RO60: variants seen among roughly 807,000 people sequenced by gnomAD.
RO60 encodes the protein Ro60, Y RNA binding protein.
In RO60, 20 loss-of-function variants were observed where a neutral mutation model predicts 55.3. The ratio of observed to expected loss-of-function variants is 0.36; its 90% CI spans 0.25 to 0.53. RO60 has a LOEUF of 0.53. Among genes scored for constraint, RO60 ranks in the 20% least tolerant of loss-of-function variants. The pLI, the probability that RO60 is intolerant of heterozygous loss-of-function variation, is 0.92. For missense variants in RO60, 558 were observed against 646.6 expected (o/e 0.86, Z 1.49); for synonymous variants, 213 against 213.6 (o/e 1.00, Z 0.02).
intron 5 of RO60, among the ~76,000 whole-genome samples, chr1:193,078,367 C>A (rs532849245): frequency 1.3e-5 from 2 of 152,070 alleles, no homozygotes; most frequent in South Asian, 4.1e-4. Flanking sequence ...ACAAGGATGC[C>A]CAGTTTTTCC....
At chr1:193,084,509 T>G (rs575182464) in intron 8 of RO60, 70 bp from the exon 9 acceptor site, 57 of 1,470,858 alleles carry the variant, frequency 3.9e-5, no homozygotes, top group Middle Eastern at 1.8e-4. Context: ...TTAAAGTGTT[T>G]TAATTTTGGA....
At chr1:193,060,352 A>C in intron 1 of RO60, 1 of 255,874 alleles carries the variant, frequency 3.9e-6, no homozygotes, top group South Asian at 4.2e-5. Context: ...GATGAGTTAA[A>C]CCAAATATTT....
At position 193,089,420 on chromosome 1, in the gene RO60, T is replaced by A. The variant is rs986041144; in HGVS notation, c.*4689T>A. On this transcript the variant is annotated 3_prime_UTR_variant, in exon 9 of 9. Transcript: ENST00000400968. ...AACTTACTCACATTTGGCTTTTTTT[T>A]AATTGGTGCATTTTTTAATTTGCTT... 2.0e-5 allele frequency: 3 copies of A among 152,216 alleles called. No individual in the cohort carries two copies. Among genetic ancestry groups the A allele is most frequent in the Non-Finnish European group, 2.9e-5 (2 of 68,024 alleles). The allele number at this position is 152,216 out of a possible 1,614,324, so 9.4% of individuals were successfully genotyped here.
At chr1:193,060,286 G>C (rs1292597581) in intron 1 of RO60, 1 of 342,902 alleles carries the variant, frequency 2.9e-6, no homozygotes, top group Non-Finnish European at 5.5e-6. Context: ...AAATTAGGTT[G>C]AAAACAAATG....
Position 193,069,172 on chromosome 1 carries a change from G to A in RO60, c.118G>A (p.Gly40Ser), listed in dbSNP as rs1197096039. Reference protein sequence around the residue: ...MNRLHRFLCFGSEGGTYYIKE... With the variant: ...MNRLHRFLCFSSEGGTYYIKE... The stretch of plus-strand genomic sequence containing the variant: ...TCGACTACACCGGTTCTTATGTTTC[G>A]GTTCTGAAGGTGGGACTTATTATAT... The change falls in exon 2 of 9, where the codon GGT (glycine) becomes AGT (serine). Residue 40 changes from glycine to serine, a missense_variant. Coordinates refer to ENST00000400968, the MANE Select transcript of RO60 (RefSeq NM_001173524.2). The A allele has an allele frequency of 3.1e-6, 5 of 1,614,042 alleles. No homozygotes were observed. Among genetic ancestry groups the A allele is most frequent in the South Asian group, 1.1e-5 (1 of 91,072 alleles).
rs1355619904 is a variant in RO60, at chr1:193,076,621, CTG to C, written c.926_927del (p.Cys309Ter). The C allele has an allele frequency of 1.9e-6, 3 of 1,604,946 alleles. No homozygotes were observed. In the African/African-American group the frequency reaches 4.0e-5, roughly 22 times the overall value. ...AGAAGTATCTTTAGTATGTGAAAAA[CTG>C]TGTAATGAAAAACTATTAAAAAAGG... ...NSEVSLVCEK[L>X]CNEKLLKKAR... is the part of the protein sequence containing the mutation. On this transcript the variant is annotated frameshift_variant, in exon 4 of 9. Transcript: ENST00000400968. LOFTEE classifies it high-confidence loss of function.
At chr1:193,070,494 A>G in intron 2 of RO60, 1 of 399,228 alleles carries the variant, frequency 2.5e-6, no homozygotes, top group South Asian at 1.8e-5. Flanking sequence ...TTGAAGTGTG[A>G]AGTTCCACAA....
At chr1:193,070,979 CA>C (rs1673450566) in intron 2 of RO60, among the ~76,000 whole-genome samples, 1 of 152,212 alleles carries the variant, frequency 6.6e-6, no homozygotes, top group Non-Finnish European at 1.5e-5. Flanking sequence ...CAGCAGTCCA[CA>C]ACCCTTCTGA....
intron 3 of RO60, 50 bp downstream of exon 3, chr1:193,076,090 G>T: frequency 7.8e-7 from 1 of 1,288,386 alleles, no homozygotes; most frequent in Non-Finnish European, 1.1e-6. Flanking sequence ...GTAATTTAGT[G>T]TAGGTGCTAA....
rs1674677214 is a variant in RO60 at position 193,087,724 on chromosome 1, G to C, written c.*2993G>C. Reference sequence around the variant, plus strand: ...TGTATAAAAATTGAAACTGGGAAGAGGGCTTGCAATACAAGTTAGAATTCT... The same window carrying C: ...TGTATAAAAATTGAAACTGGGAAGACGGCTTGCAATACAAGTTAGAATTCT... On this transcript the variant is annotated 3_prime_UTR_variant, in exon 9 of 9. Transcript: ENST00000400968. The C allele has an allele frequency of 6.6e-6, 1 of 151,914 alleles. No individual in the cohort carries two copies. The highest frequency in any genetic ancestry group is 2.4e-5 in the African/African-American group (1 of 41,346). 9.4% of individuals were successfully genotyped at this position (151,914 alleles called of 1,614,324 possible).
chr1:193,084,332 T>G (rs1008001557), intron 8 of RO60, among the ~76,000 whole-genome samples: 1 of 152,214 alleles, frequency 6.6e-6, no homozygotes, highest in African/African-American at 2.4e-5. Flanking sequence ...TAATGTACAC[T>G]GCAGCCCATA....
At chr1:193,065,016 A>G (rs1416924613) in intron 1 of RO60, among the ~76,000 whole-genome samples, 1 of 152,130 alleles carries the variant, frequency 6.6e-6, no homozygotes, top group Non-Finnish European at 1.5e-5. Context: ...TATATTTTTC[A>G]CTACCTGCAT....
chr1:193,071,833 T>TAC (rs1204010617), intron 2 of RO60, among the ~76,000 whole-genome samples: 1 of 132,330 alleles, frequency 7.6e-6, no homozygotes, highest in Non-Finnish European at 1.7e-5. Context: ...TACATATATA[T>TAC]ACCTATATAT....
At position 193,068,582 on chromosome 1, in the gene RO60, C is replaced by A. The variant is rs75354029; in HGVS notation, c.-21-452C>A. ...GTGCCAGCTACTATTGCTGCCCTCC[C>A]TTCTTTTATTCTCTGTGTGGGCCTC... On this transcript the variant is annotated intron_variant, in intron 1 of 8. Coordinates refer to ENST00000400968, the MANE Select transcript of RO60 (RefSeq NM_001173524.2). Among the ~76,000 whole-genome samples, 103 of 152,312 alleles carry A rather than the reference C, an allele frequency of 6.8e-4. 1 individual carries two copies. Among genetic ancestry groups the A allele is most frequent in the African/African-American group, 2.4e-3 (98 of 41,564 alleles).
At chr1:193,069,773 A>G (rs1157471865) in intron 2 of RO60, 139 bp downstream of exon 2, 1 of 689,374 alleles carries the variant, frequency 1.5e-6, no homozygotes, top group Non-Finnish European at 2.3e-6. Context: ...TAATTCAAAT[A>G]TATTTAATGC....
chr1:193,067,948 T>C (rs1169970267), intron 1 of RO60, among the ~76,000 whole-genome samples: 1 of 152,204 alleles, frequency 6.6e-6, no homozygotes, highest in East Asian at 1.9e-4. Flanking sequence ...TTCTGCTCTC[T>C]TTATATATTG....
At chr1:193,062,162 G>T (rs1006602375) in intron 1 of RO60, among the ~76,000 whole-genome samples, 1 of 152,068 alleles carries the variant, frequency 6.6e-6, no homozygotes, top group Admixed American at 6.6e-5. Context: ...TTGTTAATCT[G>T]GATTTACAAC....
chr1:193,077,207 C>T (rs1343340680), intron 5 of RO60, among the ~76,000 whole-genome samples, 157 bp downstream of exon 5: 1 of 152,026 alleles, frequency 6.6e-6, no homozygotes, highest in Non-Finnish European at 1.5e-5. Flanking sequence ...TAATTAATAT[C>T]GTGTAAGTTT....
At chr1:193,070,528 CTT>C (rs748288245) in intron 2 of RO60, 9,980 of 351,244 alleles carry the variant, frequency 0.028, no homozygotes, top group South Asian at 0.041. Context: ...CAAAATTTGA[CTT>C]TTTTTTTTTT....
Sources: allele counts gnomAD v4.1 joint callset (sites outside exome capture counted in the v4.1 genomes callset), GRCh38; gene constraint gnomAD v4.1.1; transcripts MANE v1.5; gene names NCBI Gene and HGNC (gene_info 2026-07-23, HGNC 2026-07-21).